The following NOTCH1 variants were observed in gnomAD, a reference collection of about 807,000 sequenced individuals.
NOTCH1 encodes neurogenic locus notch homolog protein 1.
NOTCH1 carries 37 observed loss-of-function variants against 254.8 expected under a neutral mutation model. The ratio of observed to expected loss-of-function variants is 0.15; its 90% CI spans 0.11 to 0.19. The LOEUF (loss-of-function observed/expected upper bound fraction) is 0.19. NOTCH1 is among the 10% of genes least tolerant of loss of function. The probability of loss-of-function intolerance (pLI) is 1.00; values close to 1 mark genes in which losing one functional copy is unlikely to be tolerated. For synonymous variants in NOTCH1, 1,731 were observed against 1,618.1 expected (o/e 1.07, Z -1.68); for missense variants, 2,972 against 3,708.6 (o/e 0.80, Z 5.16).
rs567259774 is a variant in NOTCH1, at chr9:136,495,622, C to T, written c.*449G>A. ...GGTTGGGTGGGCGTCGGGGAAAGGG[C>T]GCGGCCTGGACGCCCCAGGAGCTTT... On this transcript the variant is annotated 3_prime_UTR_variant, in exon 34 of 34. Transcript: ENST00000651671. The T allele has an allele frequency of 1.1e-4, 43 of 401,380 alleles. No homozygotes were observed. The highest frequency in any genetic ancestry group is 6.6e-4 in the African/African-American group (32 of 48,742). 24.9% of individuals were successfully genotyped at this position (401,380 alleles called of 1,614,324 possible).
rs35627681 is a variant in NOTCH1, at chr9:136,501,755, G to T, written c.5631C>A (p.Arg1877=). Residue 1877 remains arginine (R), a synonymous_variant, in exon 30 of 34, where the codon CGC becomes CGA. Transcript: ENST00000651671. ...VDADCMDVNV[R]GPDGFTPLMI... ...GGCTGCTGGCACCCTTACCAGGCCC[G>T]CGGACATTGACGTCCATGCAGTCGG... 6.2e-7 allele frequency: 1 copy of T among 1,611,616 alleles called. No individual in the cohort carries two copies. Among genetic ancestry groups the T allele is most frequent in the Non-Finnish European group, 8.5e-7 (1 of 1,179,924 alleles).
At chr9:136,512,659 G>A (rs1843199547) in intron 15 of NOTCH1, among the ~76,000 whole-genome samples, 1 of 152,218 alleles carries the variant, frequency 6.6e-6, no homozygotes, top group Non-Finnish European at 1.5e-5. Context: ...AGTGACCCAG[G>A]CCCGGCCCTG....
intron 2 of NOTCH1, among the ~76,000 whole-genome samples, chr9:136,528,287 T>C (rs1270013209): frequency 7.6e-6 from 1 of 131,842 alleles, no homozygotes; most frequent in Admixed American, 7.8e-5. Flanking sequence ...GTGATGTGGC[T>C]GGCTCTGCAC....
chr9:136,524,255 G>A (rs1408389365), intron 2 of NOTCH1, among the ~76,000 whole-genome samples: 2 of 152,160 alleles, frequency 1.3e-5, no homozygotes, highest in Non-Finnish European at 2.9e-5. Flanking sequence ...GCAGTGAGCC[G>A]AGATCACGCC....
At chr9:136,530,291 G>A (rs1483086898) in intron 2 of NOTCH1, among the ~76,000 whole-genome samples, 1 of 152,260 alleles carries the variant, frequency 6.6e-6, no homozygotes, top group African/African-American at 2.4e-5. Context: ...TTTAAAATGT[G>A]CGAAGGAGGA....
At position 136,510,758 on chromosome 9, in the gene NOTCH1, G is replaced by A. The variant is rs587778563; in HGVS notation, c.2635C>T (p.Arg879Trp). 52 of 1,610,464 alleles carry A rather than the reference G, an allele frequency of 3.2e-5. No homozygotes were observed. Among genetic ancestry groups the A allele is most frequent in the South Asian group, 6.6e-5 (6 of 91,086 alleles). Residue 879 changes from arginine to tryptophan, a missense_variant, in exon 17 of 34, where the codon CGG becomes TGG. Coordinates refer to ENST00000651671, the MANE Select transcript of NOTCH1 (RefSeq NM_017617.5). ...DINECVLSPCRHGASCQNTHG... is the reference protein window; with the variant it reads ...DINECVLSPCWHGASCQNTHG... Reference sequence around the variant, plus strand: ...GTGTTCTGGCAGGATGCGCCGTGCCGGCACGGGCTCAGAACGCACTCGTTG... The same window carrying A: ...GTGTTCTGGCAGGATGCGCCGTGCCAGCACGGGCTCAGAACGCACTCGTTG...
chr9:136,514,748 T>A lies in NOTCH1; in HGVS notation c.2015-46A>T, dbSNP rs777181167. On this transcript the variant is annotated intron_variant, in intron 12 of 33. Coordinates refer to ENST00000651671, the MANE Select transcript of NOTCH1 (RefSeq NM_017617.5). ...ACTCCGAGGCCCAGCGCCCAGGGGGTCCCACCCACGTCAACCTCGATTTCC... is the reference window on the plus strand; with the variant it reads ...ACTCCGAGGCCCAGCGCCCAGGGGGACCCACCCACGTCAACCTCGATTTCC... The A allele has an allele frequency of 1.2e-5, 19 of 1,581,328 alleles. No homozygotes were observed. The East Asian group carries it at 1.8e-4, about 15-fold the overall frequency.
chr9:136,544,032 C>T lies in NOTCH1; in HGVS notation c.132G>A (p.Glu44=), dbSNP rs1276553484. The T allele has an allele frequency of 6.4e-7, 1 of 1,572,940 alleles. No individual in the cohort carries two copies. Among genetic ancestry groups the T allele is most frequent in the South Asian group, 1.2e-5 (1 of 85,864 alleles). Residue 44 remains glutamate, a synonymous_variant, in exon 2 of 34, where the codon GAG becomes GAA. Coordinates refer to ENST00000651671, the MANE Select transcript of NOTCH1 (RefSeq NM_017617.5). ...GGKCEAANGT[E]ACVCGGAFVG... is the part of the protein sequence containing the mutation. The stretch of plus-strand genomic sequence containing the variant: ...GCAGGGGTGGTACTCACACGCAGGC[C>T]TCCGTGCCATTGGCCGCTTCACACT...
chr9:136,543,992 A>G (rs1441144526), intron 2 of NOTCH1, 32 bp downstream of exon 2: 2 of 1,550,428 alleles, frequency 1.3e-6, no homozygotes, highest in South Asian at 2.4e-5. Flanking sequence ...TGCCCTCGAC[A>G]AAGCAACAGG....
At position 136,500,805 on chromosome 9, in the gene NOTCH1, C is replaced by A. The variant is rs2133326661; in HGVS notation, c.5681G>T (p.Gly1894Val). 2 of 1,599,572 alleles carry A rather than the reference C, an allele frequency of 1.3e-6. No individual in the cohort carries two copies. The highest frequency in any genetic ancestry group is 1.7e-6 in the Non-Finnish European group (2 of 1,179,562). ...PLMIASCSGGGLETGNSEEEE... is the reference protein window; with the variant it reads ...PLMIASCSGGVLETGNSEEEE... ...TTCCTCGCTGTTGCCCGTCTCCAGG[C>A]CGCCCCCGCTGCAGGAGGCGATCAT... The change falls in exon 31 of 34, where the codon GGC becomes GTC. Residue 1894 changes from glycine to valine, a missense_variant. Coordinates refer to ENST00000651671, the MANE Select transcript of NOTCH1 (RefSeq NM_017617.5).
chr9:136,510,807 T>C lies in NOTCH1; in HGVS notation c.2588-2A>G. On this transcript the variant is annotated splice_acceptor_variant, in intron 16 of 33. Coordinates refer to ENST00000651671, the MANE Select transcript of NOTCH1 (RefSeq NM_017617.5). LOFTEE classifies it high-confidence loss of function. ...TGATGTCGACCTCACAGGTCTGCCCTGCGGGGCAGGAGGAGGCCGGTTGGT... is the reference window on the plus strand; with the variant it reads ...TGATGTCGACCTCACAGGTCTGCCCCGCGGGGCAGGAGGAGGCCGGTTGGT... 2 of 1,608,964 alleles carry C rather than the reference T, an allele frequency of 1.2e-6. No individual in the cohort carries two copies. The highest frequency in any genetic ancestry group is 1.7e-6 in the Non-Finnish European group (2 of 1,179,812).
chr9:136,508,357 G>A lies in NOTCH1; in HGVS notation c.3200C>T (p.Pro1067Leu), dbSNP rs547455916. The A allele has an allele frequency of 1.2e-6, 2 of 1,613,246 alleles. No homozygotes were observed. The highest frequency in any genetic ancestry group is 2.2e-5 in the South Asian group (2 of 91,086). ...CCAGCATTTGCCGCCGTTCTTGCAG[G>A]GCGAGGAGTCACACCAGTGCACAAG... ...QNLVHWCDSS[P>L]CKNGGKCWQT... is the part of the protein sequence containing the mutation. The change falls in exon 20 of 34, where the codon CCC becomes CTC. Residue 1067 changes from proline (P) to leucine (L), a missense_variant. Pro to Leu is a moderately conservative substitution (Grantham distance 98). This residue lies in a region of NOTCH1 where 1,343 missense variants were observed against 1,557.0 expected (regional missense o/e 0.86). Transcript: ENST00000651671.
rs1439038323 is a variant in NOTCH1, at chr9:136,523,093, G to A, written c.499C>T (p.Pro167Ser). The A allele has an allele frequency of 1.3e-6, 2 of 1,598,542 alleles. No individual in the cohort carries two copies. The highest frequency in any genetic ancestry group is 1.7e-6 in the Non-Finnish European group (2 of 1,173,630). Reference sequence around the variant, plus strand: ...CAGGTGGGGCCATGGAAGCTGGGTGGGCAGTGGCAGATGTAGGAGGCCTCG... The same window carrying A: ...CAGGTGGGGCCATGGAAGCTGGGTGAGCAGTGGCAGATGTAGGAGGCCTCG... The part of the protein sequence containing the change: ...PFEASYICHC[P>S]PSFHGPTCRQ... The change falls in exon 4 of 34, where the codon CCA becomes TCA. Residue 167 changes from proline (P) to serine (S), a missense_variant. Around this residue, in one of 8 missense-constraint regions of NOTCH1, gnomAD observed 374 missense variants for 496.3 expected, o/e 0.75. Transcript: ENST00000651671.
rs369635394 is a variant in NOTCH1 at position 136,516,025 on chromosome 9, T to G, written c.1625A>C (p.Lys542Thr). The change falls in exon 10 of 34, where the codon AAG (lysine) becomes ACG (threonine). Residue 542 changes from lysine to threonine, a missense_variant. Around this residue, in one of 8 missense-constraint regions of NOTCH1, gnomAD observed 128 missense variants for 193.8 expected, o/e 0.66. Coordinates refer to ENST00000651671, the MANE Select transcript of NOTCH1 (RefSeq NM_017617.5). ...CASTPCKNGA[K>T]CLDGPNTYTC... ...GTAAGTGTTGGGTCCGTCCAGGCAC[T>G]TGGCACCATTCTTGCAGGGGGTGCT... 1.9e-6 allele frequency: 3 copies of G among 1,612,134 alleles called. No homozygotes were observed. The African/African-American group carries it at 4.0e-5, about 22-fold the overall frequency.
rs1227459311 is a variant in NOTCH1 at position 136,520,727 on chromosome 9, T to G, written c.743-1162A>C. Among the ~76,000 whole-genome samples the G allele has an allele frequency of 4.2e-5, 5 of 118,638 alleles. No individual in the cohort carries two copies. In the East Asian group the frequency reaches 1.8e-3, roughly 43 times the overall value. 77.8% of individuals were successfully genotyped at this position (118,638 alleles called of 152,430 possible). ...TACTCCAGCCTGAGTGACAGAGACC[T>G]GTCTCAAAAAAAAAAAAAAAATTCA... On this transcript the variant is annotated intron_variant, in intron 4 of 33. Coordinates refer to ENST00000651671, the MANE Select transcript of NOTCH1 (RefSeq NM_017617.5).
intron 2 of NOTCH1, among the ~76,000 whole-genome samples, chr9:136,536,648 T>C (rs1167090397): frequency 6.6e-6 from 1 of 152,170 alleles, no homozygotes; most frequent in Non-Finnish European, 1.5e-5. Context: ...AGCTGCTCCG[T>C]GGTGGGCCTC....
chr9:136,517,885 G>T lies in NOTCH1; in HGVS notation c.1308C>A (p.Phe436Leu). ...AGKCINTLGSFECQCLQGYTG... is the reference protein window; with the variant it reads ...AGKCINTLGSLECQCLQGYTG... ...TGTAGCCCTGCAGACACTGGCACTC[G>T]AAGGAGCCCAGCGTGTTGATGCACT... The change falls in exon 8 of 34, where the codon TTC becomes TTA. Residue 436 changes from phenylalanine to leucine, a missense_variant. Around this residue, in one of 8 missense-constraint regions of NOTCH1, gnomAD observed 90 missense variants for 183.6 expected, o/e 0.49. Coordinates refer to ENST00000651671, the MANE Select transcript of NOTCH1 (RefSeq NM_017617.5). 1 of 1,612,518 alleles carries T rather than the reference G, an allele frequency of 6.2e-7. No homozygotes were observed. The highest frequency in any genetic ancestry group is 8.5e-7 in the Non-Finnish European group (1 of 1,179,940).
At chr9:136,517,546 C>A (rs1009800636) in intron 8 of NOTCH1, among the ~76,000 whole-genome samples, 161 bp from the exon 9 acceptor site, 2 of 152,124 alleles carry the variant, frequency 1.3e-5, no homozygotes, top group Admixed American at 1.3e-4. Flanking sequence ...GGCCCCTGGC[C>A]CGGCACCCTC....
chr9:136,535,508 GGGAGT>G (rs1843633842), intron 2 of NOTCH1, among the ~76,000 whole-genome samples: 2 of 59,192 alleles, frequency 3.4e-5, no homozygotes, highest in African/African-American at 8.8e-5. Flanking sequence ...GGTGCAGGGT[GGGAGT>G]GGGTGGAGGG....
Sources: allele counts gnomAD v4.1 joint callset (sites outside exome capture counted in the v4.1 genomes callset), GRCh38; gene constraint gnomAD v4.1.1; regional missense constraint gnomAD v4.1.1; transcripts MANE v1.5; gene names NCBI Gene and HGNC (gene_info 2026-07-23, HGNC 2026-07-21).